Variants in THADA observed in about 807,000 individuals in gnomAD.
THADA encodes the protein THADA armadillo repeat containing, also known as tRNA (32-2'-O)-methyltransferase regulator THADA.
A neutral mutation model predicts 219.8 loss-of-function variants in THADA; 213 were observed. The observed-to-expected ratio is 0.97, with a 90% CI of 0.87 to 1.09. The LOEUF is 1.09. THADA is among the 50% of genes least tolerant of loss of function. The pLI, the probability that THADA is intolerant of heterozygous loss-of-function variation, is 0.00. For missense variants in THADA, 2,956 were observed against 2,311.3 expected, an observed-to-expected ratio of 1.28 and a Z score of -5.72; for synonymous variants, 1,018 against 828.9, an observed-to-expected ratio of 1.23 and a Z score of -3.92.
intron 7 of THADA, among the ~76,000 whole-genome samples, chr2:43,585,471 T>C (rs116308790): frequency 0.032 from 4,908 of 151,550 alleles, 275 homozygotes; most frequent in African/African-American, 0.11. Context: ...TGAGCCAAGA[T>C]TGTACCACTG....
At chr2:43,515,966 C>T (rs912904119) in intron 22 of THADA, among the ~76,000 whole-genome samples, 1 of 152,114 alleles carries the variant, frequency 6.6e-6, no homozygotes, top group Non-Finnish European at 1.5e-5. Context: ...TCTTGCCCAT[C>T]CTAATAAAAG....
intron 36 of THADA, among the ~76,000 whole-genome samples, chr2:43,268,137 A>G (rs1490858178): frequency 1.3e-5 from 2 of 152,168 alleles, no homozygotes; most frequent in African/African-American, 4.8e-5. Flanking sequence ...CTCACAAGAA[A>G]TTCACTTCTG....
chr2:43,430,794 C>T (rs1573608031), intron 26 of THADA: 1 of 290,998 alleles, frequency 3.4e-6, no homozygotes, highest in African/African-American at 2.2e-5. Context: ...TGGCTTCTAC[C>T]CACTAGATGC....
intron 36 of THADA, 102 bp from the exon 37 acceptor site, chr2:43,232,984 G>A (rs1379954959): frequency 1.6e-6 from 2 of 1,262,664 alleles, no homozygotes; most frequent in Non-Finnish European, 1.1e-6. Flanking sequence ...AGGTAAAATC[G>A]CTGCCACCAG....
chr2:43,478,165 T>C (rs1685765826), intron 26 of THADA, among the ~76,000 whole-genome samples: 1 of 152,182 alleles, frequency 6.6e-6, no homozygotes. Context: ...GATGCCAAGG[T>C]CCATAAGGAG....
In THADA at chr2:43,592,401, GAATT is replaced by G. The variant is rs1559041006; in HGVS notation, c.-13_-10del. On this transcript the variant is annotated 5_prime_UTR_variant, in exon 2 of 38. Transcript: ENST00000405975. Reference sequence around the variant, plus strand: ...TTCTTCTTTACACCCATTTTAAATAGAATTAATAGTAGTCACTGCAAGAAAGAAG... The same window carrying G: ...TTCTTCTTTACACCCATTTTAAATAGAATAGTAGTCACTGCAAGAAAGAAG... 3 of 1,578,470 alleles carry G rather than the reference GAATT, an allele frequency of 1.9e-6. No individual in the cohort carries two copies. Among genetic ancestry groups the G allele is most frequent in the Admixed American group, 3.6e-5 (2 of 55,826 alleles).
chr2:43,323,104 A>C (rs553630630), intron 30 of THADA, among the ~76,000 whole-genome samples: 1 of 152,172 alleles, frequency 6.6e-6, no homozygotes, highest in South Asian at 2.1e-4. Flanking sequence ...CATTCTATTA[A>C]GAACATAGAG....
At chr2:43,325,767 T>C (rs1383198874) in intron 30 of THADA, among the ~76,000 whole-genome samples, 3 of 152,224 alleles carry the variant, frequency 2.0e-5, no homozygotes, top group African/African-American at 7.2e-5. Context: ...GTATCAGCTT[T>C]CCATTAAGTC....
At chr2:43,392,120 T>C (rs977196261) in intron 29 of THADA, among the ~76,000 whole-genome samples, 1 of 152,204 alleles carries the variant, frequency 6.6e-6, no homozygotes, top group African/African-American at 2.4e-5. Flanking sequence ...GGTCGCCAAA[T>C]GGAATCTATC....
Position 43,246,523 on chromosome 2 carries a change from A to C in THADA, c.5297-13641T>G, listed in dbSNP as rs150913211. ...ACAAACAAACAAACAAACAAACAAA[A>C]AAAAACAGAATCCAGAAAGTTCCCT... is the stretch of plus-strand genomic sequence containing the variant. On this transcript the variant is annotated intron_variant, in intron 36 of 37. Transcript: ENST00000405975. 1.3e-3 allele frequency among the ~76,000 whole-genome samples: 196 copies of C among 150,892 alleles called. 1 individual carries two copies. The highest frequency in any genetic ancestry group is 4.1e-3 in the African/African-American group (169 of 40,986).
chr2:43,261,701 T>C (rs1350718285), intron 36 of THADA, among the ~76,000 whole-genome samples: 2 of 151,192 alleles, frequency 1.3e-5, no homozygotes, highest in African/African-American at 4.9e-5. Flanking sequence ...AATGGCATGA[T>C]CTCGGCTCAC....
At chr2:43,565,082 T>C (rs1037928934) in intron 15 of THADA, 4 of 152,232 alleles carry the variant, frequency 2.6e-5, no homozygotes, top group African/African-American at 9.6e-5. Flanking sequence ...AATTTGATCA[T>C]TGTGTTATGG....
chr2:43,253,293 T>G (rs1669991709), intron 36 of THADA, among the ~76,000 whole-genome samples: 1 of 152,162 alleles, frequency 6.6e-6, no homozygotes, highest in African/African-American at 2.4e-5. Context: ...GTGAAGGATG[T>G]GTGCAGGGGA....
intron 36 of THADA, among the ~76,000 whole-genome samples, chr2:43,270,257 G>T: frequency 6.6e-6 from 1 of 152,250 alleles, no homozygotes; most frequent in Non-Finnish European, 1.5e-5. Context: ...TTCCACATCT[G>T]TAAGTCAGAG....
intron 7 of THADA, among the ~76,000 whole-genome samples, chr2:43,582,809 T>A (rs1324115177): frequency 6.6e-6 from 1 of 151,946 alleles, no homozygotes; most frequent in African/African-American, 2.4e-5. Flanking sequence ...CCTCAAGTGA[T>A]CCACCTGCCT....
chr2:43,590,701 C>T (rs1701465262), intron 4 of THADA, 123 bp downstream of exon 4: 1 of 930,750 alleles, frequency 1.1e-6, no homozygotes, highest in Non-Finnish European at 1.6e-6. Context: ...GAGAACAAAC[C>T]ATATGAATGA....
At chr2:43,380,050 C>G (rs1053941377) in intron 29 of THADA, among the ~76,000 whole-genome samples, 3 of 152,170 alleles carry the variant, frequency 2.0e-5, no homozygotes, top group South Asian at 2.1e-4. Context: ...AGGGGAACCA[C>G]AGGAAAGTTT....
intron 31 of THADA, among the ~76,000 whole-genome samples, chr2:43,318,616 T>G (rs1187266437): frequency 1.3e-5 from 2 of 152,200 alleles, no homozygotes; most frequent in African/African-American, 4.8e-5. Context: ...GACAAAATTT[T>G]TAGAGCTATG....
chr2:43,410,018 TAAAA>T (rs200952206), intron 28 of THADA, among the ~76,000 whole-genome samples: 8 of 132,078 alleles, frequency 6.1e-5, no homozygotes, highest in African/African-American at 2.2e-4. Flanking sequence ...TCTCATCTCT[TAAAA>T]AAAAAAAAAA....
Sources: gnomAD v4.1 joint callset for allele counts (sites outside exome capture counted in the v4.1 genomes callset) on GRCh38, gnomAD v4.1.1 for gene constraint, MANE v1.5 for transcripts, NCBI Gene and HGNC (gene_info 2026-07-23, HGNC 2026-07-21) for gene names.